The following CNTN6 variants were observed in gnomAD, a reference collection of about 807,000 sequenced individuals.
CNTN6 encodes contactin-6.
In CNTN6, 137 loss-of-function variants were observed where a neutral mutation model predicts 122.8. That is an observed-to-expected ratio of 1.12 (90% CI 0.97 to 1.29). The LOEUF (loss-of-function observed/expected upper bound fraction) is 1.29, where lower values mean the gene tolerates loss of function less well. CNTN6 is among the 50% of genes most tolerant of loss of function. The pLI, the probability that CNTN6 is intolerant of heterozygous loss-of-function variation, is 0.00. For missense variants in CNTN6, 1,634 were observed against 1,223.4 expected (o/e 1.34, Z -5.01); for synonymous variants, 570 against 426.0 (o/e 1.34, Z -4.16).
At chr3:1,310,808 C>G (rs998530699) in intron 7 of CNTN6, among the ~76,000 whole-genome samples, 1 of 152,098 alleles carries the variant, frequency 6.6e-6, no homozygotes, top group Non-Finnish European at 1.5e-5. Context: ...TTGAGACTAG[C>G]CTGCCCAATA....
intron 5 of CNTN6, among the ~76,000 whole-genome samples, chr3:1,280,428 A>T (rs1444982657): frequency 7.1e-6 from 1 of 141,064 alleles, no homozygotes; most frequent in East Asian, 2.0e-4. Context: ...ATCTTGCTGC[A>T]TGGGAGTAAT....
intron 5 of CNTN6, among the ~76,000 whole-genome samples, chr3:1,279,656 G>A (rs1384778591): frequency 6.6e-6 from 1 of 152,156 alleles, no homozygotes; most frequent in African/African-American, 2.4e-5. Flanking sequence ...TGTTATAATT[G>A]ATTTCCACTC....
chr3:1,149,240 T>C (rs1474921211), intron 2 of CNTN6, among the ~76,000 whole-genome samples: 1 of 152,214 alleles, frequency 6.6e-6, no homozygotes, highest in Admixed American at 6.5e-5. Context: ...CTTACCTACA[T>C]GAGTTGTTAC....
chr3:1,252,343 T>G (rs1034924001), intron 4 of CNTN6, among the ~76,000 whole-genome samples: 1 of 152,182 alleles, frequency 6.6e-6, no homozygotes, highest in Non-Finnish European at 1.5e-5. Flanking sequence ...TGCTTAGTAG[T>G]TACCAGTTTT....
chr3:1,388,308 A>G lies in CNTN6; in HGVS notation c.2704+2511A>G, dbSNP rs903001809. Reference sequence around the variant, plus strand: ...CACCCCCCAGCAGGGGCACACTGACACCTCACACGGCAGGGTATGCCAACA... The same window carrying G: ...CACCCCCCAGCAGGGGCACACTGACGCCTCACACGGCAGGGTATGCCAACA... On this transcript the variant is annotated intron_variant, in intron 20 of 22. Coordinates refer to ENST00000446702, the MANE Select transcript of CNTN6 (RefSeq NM_001289080.2). 2.8e-3 allele frequency among the ~76,000 whole-genome samples: 406 copies of G among 146,996 alleles called. 8 individuals carry two copies. Among genetic ancestry groups the G allele is most frequent in the Non-Finnish European group, 4.1e-3 (272 of 66,168 alleles).
At chr3:1,103,134 T>C (rs2091038081) in intron 1 of CNTN6, among the ~76,000 whole-genome samples, 1 of 151,932 alleles carries the variant, frequency 6.6e-6, no homozygotes, top group Non-Finnish European at 1.5e-5. Flanking sequence ...AAAAAGAAAG[T>C]CCTTAAAGTT....
chr3:1,365,494 C>G (rs143948165), intron 12 of CNTN6, among the ~76,000 whole-genome samples: 48 of 152,016 alleles, frequency 3.2e-4, no homozygotes, highest in Admixed American at 1.0e-3. Context: ...GTTTAATCCT[C>G]TTCAATCATG....
chr3:1,170,902 C>T (rs1181724606), intron 2 of CNTN6, among the ~76,000 whole-genome samples: 4 of 152,190 alleles, frequency 2.6e-5, no homozygotes, highest in African/African-American at 9.7e-5. Flanking sequence ...ACAATACCCA[C>T]TCCATAGAGT....
intron 4 of CNTN6, among the ~76,000 whole-genome samples, chr3:1,259,031 A>G (rs9830189): frequency 0.15 from 23,571 of 152,106 alleles, 2,384 homozygotes; most frequent in African/African-American, 0.29. Flanking sequence ...ATAAAACTTT[A>G]TTCACAAAAC....
chr3:1,160,731 T>C (rs1463928229), intron 2 of CNTN6, among the ~76,000 whole-genome samples: 1 of 151,978 alleles, frequency 6.6e-6, no homozygotes, highest in Non-Finnish European at 1.5e-5. Context: ...GGTAGTGTTT[T>C]TAAATTTGCA....
chr3:1,291,642 C>G (rs1449084675), intron 5 of CNTN6, among the ~76,000 whole-genome samples: 2 of 152,164 alleles, frequency 1.3e-5, no homozygotes, highest in Admixed American at 6.5e-5. Context: ...ACAGGGGAAT[C>G]TGAACTACAT....
chr3:1,373,691 A>C lies in CNTN6; in HGVS notation c.1874A>C (p.Asn625Thr). The change falls in exon 15 of 23, where the codon AAC becomes ACC. Residue 625 changes from asparagine (N) to threonine (T), a missense_variant. Coordinates refer to ENST00000446702, the MANE Select transcript of CNTN6 (RefSeq NM_001289080.2). ...AGTTGGAGAGCAGGCCCAGATAATA[A>C]CAGTCCCATTCAAATATTTACTATT... ...QLSWRAGPDN[N>T]SPIQIFTIQT... 3.1e-6 allele frequency: 5 copies of C among 1,613,222 alleles called. No individual in the cohort carries two copies. The highest frequency in any genetic ancestry group is 4.2e-6 in the Non-Finnish European group (5 of 1,179,388).
At chr3:1,345,988 T>G (rs1423433794) in intron 11 of CNTN6, among the ~76,000 whole-genome samples, 1 of 152,082 alleles carries the variant, frequency 6.6e-6, no homozygotes, top group Non-Finnish European at 1.5e-5. Flanking sequence ...CCTGATTTTT[T>G]TTTTTTTTAG....
intron 1 of CNTN6, among the ~76,000 whole-genome samples, chr3:1,107,281 A>G (rs913844412): frequency 7.9e-5 from 12 of 152,144 alleles, no homozygotes; most frequent in African/African-American, 2.7e-4. Context: ...TGATCATAAA[A>G]TATGTCATAT....
chr3:1,264,554 T>G (rs2094897298), intron 4 of CNTN6, among the ~76,000 whole-genome samples: 2 of 152,020 alleles, frequency 1.3e-5, no homozygotes, highest in Admixed American at 6.6e-5. Context: ...TCATCTGTAT[T>G]TTTAAAATTA....
In CNTN6 at chr3:1,373,536, C is replaced by G. The variant is rs540253097; in HGVS notation, c.1787-68C>G. 4 of 1,464,880 alleles carry G rather than the reference C, an allele frequency of 2.7e-6. No homozygotes were observed. In the South Asian group the frequency reaches 3.8e-5, roughly 14 times the overall value. 90.7% of individuals were successfully genotyped at this position (1,464,880 alleles called of 1,614,324 possible). A position where few individuals can be genotyped will look rare whatever the true frequency, so the allele number is the denominator to read the frequency against. ...CCTAAGCACAACAGGTAAAAATAAACCATCCTAGTACCAAATTAATGAATG... is the reference window on the plus strand; with the variant it reads ...CCTAAGCACAACAGGTAAAAATAAAGCATCCTAGTACCAAATTAATGAATG... On this transcript the variant is annotated intron_variant, in intron 14 of 22. Coordinates refer to ENST00000446702, the MANE Select transcript of CNTN6 (RefSeq NM_001289080.2).
intron 20 of CNTN6, among the ~76,000 whole-genome samples, chr3:1,386,941 A>G (rs1244493436): frequency 1.3e-5 from 2 of 152,068 alleles, no homozygotes; most frequent in African/African-American, 2.4e-5. Flanking sequence ...AAAAGAAGTT[A>G]GTTAGGAACC....
intron 11 of CNTN6, among the ~76,000 whole-genome samples, chr3:1,350,199 G>T (rs1310355381): frequency 1.3e-5 from 2 of 151,724 alleles, no homozygotes; most frequent in Non-Finnish European, 2.9e-5. Context: ...TGCATAGGGT[G>T]TCTTGTGAAA....
intron 5 of CNTN6, among the ~76,000 whole-genome samples, chr3:1,279,779 G>A (rs534379120): frequency 1.1e-4 from 16 of 152,284 alleles, no homozygotes; most frequent in Admixed American, 5.2e-4. Context: ...AAACTTGAAA[G>A]CGTTTTTCCA....
Sources: gnomAD v4.1 joint callset for allele counts (sites outside exome capture counted in the v4.1 genomes callset) on GRCh38, gnomAD v4.1.1 for gene constraint, MANE v1.5 for transcripts, NCBI Gene and HGNC (gene_info 2026-07-23, HGNC 2026-07-21) for gene names.